TENM3: variants seen among roughly 807,000 people sequenced by gnomAD.
The protein encoded by TENM3 is teneurin transmembrane protein 3, also known as teneurin-3.
A neutral mutation model predicts 255.1 loss-of-function variants in TENM3; 63 were observed. The observed-to-expected ratio is 0.25, with a 90% CI of 0.20 to 0.30. TENM3 has a LOEUF of 0.30. Ranked by LOEUF, TENM3 falls within the 10% of genes least tolerant of loss-of-function variation. TENM3 has a pLI of 1.00. For missense variants in TENM3, 2,929 were observed against 3,461.1 expected, an observed-to-expected ratio of 0.85 and a Z score of 3.86; for synonymous variants, 1,306 against 1,322.3, an observed-to-expected ratio of 0.99 and a Z score of 0.27.
At chr4:182,352,970 C>T (rs554416881) in intron 3 of TENM3, among the ~76,000 whole-genome samples, 5 of 152,178 alleles carry the variant, frequency 3.3e-5, no homozygotes, top group South Asian at 2.1e-4. Context: ...AGGAAATAGA[C>T]GGACTTGTAG....
intron 5 of TENM3, among the ~76,000 whole-genome samples, chr4:182,649,091 TACAA>T (rs1381319624): frequency 2.0e-5 from 3 of 151,246 alleles, no homozygotes; most frequent in African/African-American, 4.8e-5. Flanking sequence ...CTATGGGGTA[TACAA>T]ACAGACTTTT....
At chr4:181,854,852 AG>A in the TENM3 span, among the ~76,000 whole-genome samples, 1 of 152,200 alleles carries the variant, frequency 6.6e-6, no homozygotes, top group Admixed American at 6.5e-5. Context: ...TGTCCCCAAA[AG>A]GCCGCCTTCT....
At chr4:181,758,079 A>T in the TENM3 span, among the ~76,000 whole-genome samples, 1 of 152,080 alleles carries the variant, frequency 6.6e-6, no homozygotes, top group Admixed American at 6.6e-5. Flanking sequence ...ACAATGACAA[A>T]CTGTACCACT....
intron 3 of TENM3, among the ~76,000 whole-genome samples, chr4:182,472,279 TTCTAC>T (rs1362878664): frequency 1.3e-5 from 2 of 152,178 alleles, no homozygotes; most frequent in African/African-American, 2.4e-5. Context: ...AATTTGTAAT[TTCTAC>T]TCTAATCTTT....
chr4:182,310,478 C>T (rs1288085271), intron 1 of TENM3, among the ~76,000 whole-genome samples: 1 of 152,178 alleles, frequency 6.6e-6, no homozygotes, highest in Non-Finnish European at 1.5e-5. Context: ...TACAAGTTTA[C>T]ATCTTCCCCT....
At chr4:182,423,384 G>T (rs770175034) in intron 3 of TENM3, among the ~76,000 whole-genome samples, 1 of 151,956 alleles carries the variant, frequency 6.6e-6, no homozygotes. Flanking sequence ...AAATGCCTCT[G>T]AATATAGTAT....
the TENM3 span, among the ~76,000 whole-genome samples, chr4:181,656,847 G>A: frequency 2.0e-5 from 3 of 152,196 alleles, no homozygotes; most frequent in African/African-American, 7.2e-5. Flanking sequence ...GTAAGTCTGA[G>A]AGTAGCTAAA....
At chr4:181,475,470 T>C in the TENM3 span, among the ~76,000 whole-genome samples, 1 of 152,222 alleles carries the variant, frequency 6.6e-6, no homozygotes. Context: ...TAGAATATTT[T>C]TGCCTCTGTG....
At chr4:181,585,221 A>G in the TENM3 span, among the ~76,000 whole-genome samples, 4 of 152,200 alleles carry the variant, frequency 2.6e-5, no homozygotes, top group Non-Finnish European at 4.4e-5. Context: ...AGATGGACCG[A>G]TTTTTTAAAA....
At chr4:181,489,209 GT>G in the TENM3 span, among the ~76,000 whole-genome samples, 1 of 152,166 alleles carries the variant, frequency 6.6e-6, no homozygotes, top group Non-Finnish European at 1.5e-5. Context: ...ACAATATTGA[GT>G]TTTAGGACTT....
intron 3 of TENM3, among the ~76,000 whole-genome samples, chr4:182,458,694 A>T (rs917059939): frequency 6.6e-6 from 1 of 152,188 alleles, no homozygotes; most frequent in South Asian, 2.1e-4. Flanking sequence ...TACATTTGCT[A>T]CTGGGTTAGT....
At chr4:182,551,299 T>C (rs1741986966) in intron 3 of TENM3, among the ~76,000 whole-genome samples, 1 of 151,882 alleles carries the variant, frequency 6.6e-6, no homozygotes, top group African/African-American at 2.4e-5. Context: ...GATGAAATTG[T>C]CCCTTTTTCC....
At chr4:182,633,936 G>A (rs2152480781) in intron 5 of TENM3, among the ~76,000 whole-genome samples, 1 of 152,306 alleles carries the variant, frequency 6.6e-6, no homozygotes, top group South Asian at 2.1e-4. Flanking sequence ...GTCCAGAGTT[G>A]TGCTTTCCAA....
chr4:181,938,071 G>T, the TENM3 span, among the ~76,000 whole-genome samples: 1 of 152,162 alleles, frequency 6.6e-6, no homozygotes, highest in South Asian at 2.1e-4. Flanking sequence ...GGCTCTGGTT[G>T]TATGAATAAG....
At chr4:181,755,291 AT>A in the TENM3 span, among the ~76,000 whole-genome samples, 2 of 151,964 alleles carry the variant, frequency 1.3e-5, no homozygotes, top group African/African-American at 4.8e-5. Context: ...ATTTTTCTTT[AT>A]TATTTCCATT....
intron 4 of TENM3, among the ~76,000 whole-genome samples, chr4:182,607,762 G>A (rs1339832420): frequency 1.3e-5 from 2 of 152,158 alleles, no homozygotes; most frequent in African/African-American, 4.8e-5. Flanking sequence ...GATATTGAAA[G>A]CGTAATTTCA....
At chr4:182,005,998 C>T in the TENM3 span, among the ~76,000 whole-genome samples, 1 of 152,148 alleles carries the variant, frequency 6.6e-6, no homozygotes, top group Non-Finnish European at 1.5e-5. Context: ...AACATAAAAT[C>T]ATGTAGCCTG....
intron 3 of TENM3, among the ~76,000 whole-genome samples, chr4:182,533,888 G>A (rs1316711546): frequency 6.6e-6 from 1 of 151,668 alleles, no homozygotes. Flanking sequence ...CAGCCTGGGC[G>A]ACAGAGCAAG....
intron 3 of TENM3, among the ~76,000 whole-genome samples, chr4:182,448,583 C>G (rs1053938593): frequency 1.3e-5 from 2 of 152,162 alleles, no homozygotes; most frequent in South Asian, 4.1e-4. Context: ...GTAGCGCTGC[C>G]GGAGAACAGC....
Sources: gnomAD v4.1 joint callset for allele counts (sites outside exome capture counted in the v4.1 genomes callset) on GRCh38, gnomAD v4.1.1 for gene constraint, MANE v1.5 for transcripts, NCBI Gene and HGNC (gene_info 2026-07-23, HGNC 2026-07-21) for gene names.